PLS1: variants seen among roughly 807,000 people sequenced by gnomAD.
PLS1 encodes the protein plastin 1.
In PLS1, 32 loss-of-function variants were observed where a neutral mutation model predicts 73.7. That is an observed-to-expected ratio of 0.43 (90% CI 0.33 to 0.58). The LOEUF (loss-of-function observed/expected upper bound fraction) is 0.58. Ranked by LOEUF, PLS1 falls within the 20% of genes least tolerant of loss-of-function variation. PLS1 has a pLI of 0.04. For synonymous variants in PLS1, 217 were observed against 261.3 expected, an observed-to-expected ratio of 0.83 and a Z score of 1.63; for missense variants, 633 against 740.5, an observed-to-expected ratio of 0.85 and a Z score of 1.68.
intron 1 of PLS1, among the ~76,000 whole-genome samples, chr3:142,648,724 G>A (rs2037013827): frequency 1.3e-5 from 2 of 152,158 alleles, no homozygotes; most frequent in African/African-American, 4.8e-5. Context: ...AAAAATGCCT[G>A]TACAAAAATG....
In PLS1 at chr3:142,670,853, A is replaced by G. The variant is rs1474715079; in HGVS notation, c.235-140A>G. On this transcript the variant is annotated intron_variant, in intron 3 of 15. Transcript: ENST00000457734. ...TGTTATTGGTAAAATGATGAAAGTT[A>G]TCTGTGTATACAAGCAATAAGTACA... 7 of 543,038 alleles carry G rather than the reference A, an allele frequency of 1.3e-5. No individual in the cohort carries two copies. The South Asian group carries it at 1.7e-4, about 13-fold the overall frequency. 33.6% of individuals were successfully genotyped at this position (543,038 alleles called of 1,614,324 possible). A position where few individuals can be genotyped will look rare whatever the true frequency, so the allele number is the denominator to read the frequency against.
chr3:142,662,056 A>T (rs907862998), intron 1 of PLS1, among the ~76,000 whole-genome samples: 13 of 152,318 alleles, frequency 8.5e-5, no homozygotes, highest in African/African-American at 3.1e-4. Flanking sequence ...CAGCAATCCA[A>T]TTACTGGGTA....
rs1933009500 is a variant in PLS1 at position 142,709,475 on chromosome 3, C to T, written c.1630-2026C>T. Among the ~76,000 whole-genome samples the T allele has an allele frequency of 3.3e-5, 5 of 152,034 alleles. No homozygotes were observed. In the South Asian group the frequency reaches 1.0e-3, roughly 32 times the overall value. On this transcript the variant is annotated intron_variant, in intron 14 of 15. Transcript: ENST00000457734. ...GTATCATAAAATGAACATTCCTGCC[C>T]AAAAATCTGTATCATAACATGAACA...
intron 10 of PLS1, among the ~76,000 whole-genome samples, chr3:142,690,221 T>C (rs1483725209): frequency 6.6e-6 from 1 of 152,160 alleles, no homozygotes; most frequent in Non-Finnish European, 1.5e-5. Flanking sequence ...ATTACAGTGT[T>C]CGTTATTTGT....
chr3:142,627,226 A>G (rs961427294), intron 1 of PLS1, among the ~76,000 whole-genome samples: 1 of 151,762 alleles, frequency 6.6e-6, no homozygotes, highest in Non-Finnish European at 1.5e-5. Flanking sequence ...ATGACTTTTT[A>G]GGTGTTTGGG....
chr3:142,640,761 G>C (rs1398942849), intron 1 of PLS1, among the ~76,000 whole-genome samples: 1 of 152,112 alleles, frequency 6.6e-6, no homozygotes, highest in African/African-American at 2.4e-5. Flanking sequence ...GGTTGTAGGG[G>C]CATTCATTTA....
chr3:142,616,902 A>G (rs1334142032), intron 1 of PLS1, among the ~76,000 whole-genome samples: 4 of 152,200 alleles, frequency 2.6e-5, no homozygotes, highest in Admixed American at 1.3e-4. Flanking sequence ...GCACCCGGCC[A>G]GTGACACAAT....
At chr3:142,652,346 T>C (rs968098481) in intron 1 of PLS1, among the ~76,000 whole-genome samples, 2 of 152,248 alleles carry the variant, frequency 1.3e-5, no homozygotes, top group African/African-American at 4.8e-5. Flanking sequence ...CTTCTATTGC[T>C]ACTTTTTATT....
intron 6 of PLS1, among the ~76,000 whole-genome samples, chr3:142,682,528 T>A (rs1378553896): frequency 6.6e-6 from 1 of 152,158 alleles, no homozygotes; most frequent in Non-Finnish European, 1.5e-5. Context: ...ATTACACACT[T>A]CTTTTGGCCC....
intron 14 of PLS1, among the ~76,000 whole-genome samples, chr3:142,708,738 A>C (rs1204922341): frequency 6.6e-6 from 1 of 152,242 alleles, no homozygotes; most frequent in African/African-American, 2.4e-5. Context: ...AATAATGGAA[A>C]TGTATTTATA....
chr3:142,707,157 C>T (rs1434012992), intron 14 of PLS1, among the ~76,000 whole-genome samples: 3 of 152,114 alleles, frequency 2.0e-5, no homozygotes, highest in East Asian at 3.9e-4. Flanking sequence ...ATGATAAAAT[C>T]TTTAAAGAGA....
chr3:142,676,222 CATCTT>C lies in PLS1; in HGVS notation c.433_437del (p.Leu145ThrfsTer6). Reference sequence around the variant, plus strand: ...CCTGGAGAATGACCCTGACTGTAAGCATCTTATACCCATGAATCCCAATGATGATA... The same window carrying C: ...CCTGGAGAATGACCCTGACTGTAAGCATACCCATGAATCCCAATGATGATA... On this transcript the variant is annotated frameshift_variant, in exon 5 of 16. Coordinates refer to ENST00000457734, the MANE Select transcript of PLS1 (RefSeq NM_001145319.2). LOFTEE classifies it high-confidence loss of function. 1.9e-6 allele frequency: 3 copies of C among 1,612,376 alleles called. No homozygotes were observed. Among genetic ancestry groups the C allele is most frequent in the Non-Finnish European group, 2.5e-6 (3 of 1,178,430 alleles).
intron 5 of PLS1, among the ~76,000 whole-genome samples, chr3:142,677,793 A>C (rs2037753370): frequency 6.6e-6 from 1 of 152,034 alleles, no homozygotes; most frequent in Non-Finnish European, 1.5e-5. Context: ...TTAATTAATT[A>C]TTATTATTAT....
intron 1 of PLS1, among the ~76,000 whole-genome samples, chr3:142,639,455 A>G (rs1392289329): frequency 6.6e-6 from 1 of 152,096 alleles, no homozygotes; most frequent in Non-Finnish European, 1.5e-5. Context: ...AGTAAGTTAT[A>G]ATTTAGCTGT....
At chr3:142,670,482 TAAAAAA>T (rs369860871) in intron 3 of PLS1, among the ~76,000 whole-genome samples, 1 of 151,506 alleles carries the variant, frequency 6.6e-6, no homozygotes, top group Admixed American at 6.6e-5. Flanking sequence ...GATTTGCATT[TAAAAAA>T]AAACCCAATC....
intron 1 of PLS1, chr3:142,656,408 C>CA (rs2037237124): frequency 1.3e-5 from 2 of 152,208 alleles, no homozygotes; most frequent in African/African-American, 4.8e-5. Flanking sequence ...GTCCAAAGGA[C>CA]AGTCAAGGCT....
chr3:142,597,042 T>C (rs1490424858), intron 1 of PLS1, among the ~76,000 whole-genome samples: 2 of 152,188 alleles, frequency 1.3e-5, no homozygotes, highest in Non-Finnish European at 2.9e-5. Flanking sequence ...GTGTTTCAGC[T>C]GCATTTTCAA....
At chr3:142,648,225 G>C (rs1031756528) in intron 1 of PLS1, among the ~76,000 whole-genome samples, 1 of 147,724 alleles carries the variant, frequency 6.8e-6, no homozygotes, top group Non-Finnish European at 1.5e-5. Context: ...GGTAAAGAAC[G>C]GCTGTGAGAG....
intron 14 of PLS1, among the ~76,000 whole-genome samples, chr3:142,707,047 G>A (rs760431283): frequency 6.6e-6 from 1 of 152,178 alleles, no homozygotes; most frequent in Non-Finnish European, 1.5e-5. Context: ...CCTTTTAAGG[G>A]AGAGCAACCC....
Sources: allele counts gnomAD v4.1 joint callset (sites outside exome capture counted in the v4.1 genomes callset), GRCh38; gene constraint gnomAD v4.1.1; transcripts MANE v1.5; gene names NCBI Gene and HGNC (gene_info 2026-07-23, HGNC 2026-07-21).